Variants in SENP6 observed in about 807,000 individuals in gnomAD.
SENP6 encodes SUMO specific peptidase 6, also known as sentrin-specific protease 6.
A neutral mutation model predicts 134.5 loss-of-function variants in SENP6; 41 were observed. The ratio of observed to expected loss-of-function variants is 0.30; its 90% CI spans 0.24 to 0.40. The LOEUF (loss-of-function observed/expected upper bound fraction) is 0.40. Ranked by LOEUF, SENP6 falls within the 10% of genes least tolerant of loss-of-function variation. The probability of loss-of-function intolerance (pLI) is 1.00; values close to 1 mark genes in which losing one functional copy is unlikely to be tolerated. For synonymous variants in SENP6, 395 were observed against 429.8 expected, an observed-to-expected ratio of 0.92 and a Z score of 1.00; for missense variants, 1,248 against 1,312.5, an observed-to-expected ratio of 0.95 and a Z score of 0.76.
Position 75,666,719 on chromosome 6 carries a change from G to A in SENP6, c.1002G>A (p.Leu334=). The A allele has an allele frequency of 6.6e-7, 1 of 1,508,496 alleles. No individual in the cohort carries two copies. The allele number at this position is 1,508,496 out of a possible 1,614,324, so 93.4% of individuals were successfully genotyped here. ...TTATTAAAATACTTTTAGTCATTTT[G>A]TCCAGTGATGATGATGATGACAACG... ...SLSDLNDPII[L]SSDDDDDNDR... is the part of the protein sequence containing the mutation. The change falls in exon 10 of 24, where the codon TTG becomes TTA. Residue 334 remains leucine, a synonymous_variant. Coordinates refer to ENST00000447266, the MANE Select transcript of SENP6 (RefSeq NM_015571.4).
intron 1 of SENP6, among the ~76,000 whole-genome samples, chr6:75,616,170 T>C (rs1459076806): frequency 6.6e-6 from 1 of 152,120 alleles, no homozygotes; most frequent in Non-Finnish European, 1.5e-5. Context: ...CTGGGATCTC[T>C]CCTTAACCTT....
At chr6:75,625,112 C>CTT (rs34953351) in intron 3 of SENP6, among the ~76,000 whole-genome samples, 32,201 of 112,024 alleles carry the variant, frequency 0.29, 6,365 homozygotes, top group Non-Finnish European at 0.36. Flanking sequence ...TGTGTGTGTC[C>CTT]TTTTTTTTTT....
intron 9 of SENP6, among the ~76,000 whole-genome samples, chr6:75,666,236 GATATATAAAATATATATACGAT>G (rs1373807316): frequency 6.9e-5 from 8 of 115,544 alleles, no homozygotes; most frequent in South Asian, 2.8e-4. Context: ...TATAAAATAT[GATATATAAAATATATATACGAT>G]ATATATAAAA....
intron 1 of SENP6, among the ~76,000 whole-genome samples, chr6:75,608,568 AAAG>A (rs1187160215): frequency 2.6e-5 from 4 of 152,068 alleles, no homozygotes; most frequent in Admixed American, 6.6e-5. Context: ...AGGAAGGAGA[AAAG>A]AAAGTGATTT....
intron 1 of SENP6, among the ~76,000 whole-genome samples, chr6:75,615,855 A>G (rs936287894): frequency 2.0e-5 from 3 of 152,230 alleles, no homozygotes; most frequent in Non-Finnish European, 4.4e-5. Context: ...AAGATTTGTC[A>G]TAATGAATTC....
At chr6:75,652,802 A>G (rs957928878) in intron 7 of SENP6, among the ~76,000 whole-genome samples, 2 of 151,472 alleles carry the variant, frequency 1.3e-5, no homozygotes, top group Admixed American at 1.3e-4. Flanking sequence ...ACATTAGATT[A>G]TTATCATTCT....
At chr6:75,645,346 T>C (rs1267813055) in intron 6 of SENP6, among the ~76,000 whole-genome samples, 1 of 152,210 alleles carries the variant, frequency 6.6e-6, no homozygotes, top group African/African-American at 2.4e-5. Context: ...CCAGGTGTGG[T>C]GGTTTATGCC....
At chr6:75,619,371 T>C (rs1768091264) in intron 1 of SENP6, among the ~76,000 whole-genome samples, 1 of 152,152 alleles carries the variant, frequency 6.6e-6, no homozygotes, top group African/African-American at 2.4e-5. Context: ...AGTAACTGTT[T>C]TCAAGGTTCA....
At chr6:75,635,102 T>C (rs1769410820) in intron 5 of SENP6, 3 of 434,032 alleles carry the variant, frequency 6.9e-6, no homozygotes, top group South Asian at 6.0e-5. Flanking sequence ...TGAAAGTGTT[T>C]GACTGAGATA....
At chr6:75,611,386 TG>T (rs1767438721) in intron 1 of SENP6, 1 of 152,270 alleles carries the variant, frequency 6.6e-6, no homozygotes, top group African/African-American at 2.4e-5. Flanking sequence ...TTCACAAGTT[TG>T]GGTATCAGCT....
At chr6:75,694,928 G>A (rs1170229634) in intron 16 of SENP6, among the ~76,000 whole-genome samples, 1 of 152,086 alleles carries the variant, frequency 6.6e-6, no homozygotes, top group Non-Finnish European at 1.5e-5. Flanking sequence ...AGGCTGGAGT[G>A]TAGTGGTGTG....
intron 16 of SENP6, among the ~76,000 whole-genome samples, chr6:75,694,427 A>C (rs1490287491): frequency 6.6e-6 from 1 of 152,218 alleles, no homozygotes; most frequent in Non-Finnish European, 1.5e-5. Context: ...ACAATACATA[A>C]TGATAACAGC....
chr6:75,706,088 C>T (rs564850090), intron 19 of SENP6, among the ~76,000 whole-genome samples: 7 of 151,376 alleles, frequency 4.6e-5, no homozygotes, highest in South Asian at 2.1e-4. Context: ...ATTACGGGTG[C>T]GCACCACCTC....
Position 75,602,042 on chromosome 6 carries a change from G to A in SENP6, c.-483G>A, listed in dbSNP as rs1269536737. ...GCGGCGGCTGCAGAACGAGCTAGGG[G>A]CCTGGGGGCGCCTGACGGTCGCAGA... On this transcript the variant is annotated 5_prime_UTR_variant, in exon 1 of 24. Transcript: ENST00000447266. The A allele has an allele frequency of 1.3e-5, 2 of 156,832 alleles. No homozygotes were observed. The highest frequency in any genetic ancestry group is 2.4e-5 in the African/African-American group (1 of 41,524). 9.7% of individuals were successfully genotyped at this position (156,832 alleles called of 1,614,324 possible).
rs528670296 is a variant in SENP6 at position 75,705,997 on chromosome 6, C to T, written c.2716+2925C>T. Reference sequence around the variant, plus strand: ...AATCACCCAGGCTGGAGTGCAGTGGCGTAATCTTGTCTCACTGCAACCTCC... The same window carrying T: ...AATCACCCAGGCTGGAGTGCAGTGGTGTAATCTTGTCTCACTGCAACCTCC... On this transcript the variant is annotated intron_variant, in intron 19 of 23. Transcript: ENST00000447266. Among the ~76,000 whole-genome samples the T allele has an allele frequency of 1.0e-4, 12 of 116,548 alleles. No individual in the cohort carries two copies. In the East Asian group the frequency reaches 2.0e-3, roughly 20 times the overall value. 76.5% of individuals were successfully genotyped at this position (116,548 alleles called of 152,430 possible).
At chr6:75,638,038 T>G (rs13219899) in intron 5 of SENP6, among the ~76,000 whole-genome samples, 1 of 151,426 alleles carries the variant, frequency 6.6e-6, no homozygotes, top group Non-Finnish European at 1.5e-5. Context: ...GTGTGTGTGT[T>G]TTTAGTAGAG....
At chr6:75,715,343 A>AT (rs751785240) in intron 23 of SENP6, 42 bp from the exon 24 acceptor site, 10 of 1,373,056 alleles carry the variant, frequency 7.3e-6, no homozygotes. Context: ...ATGAAAGGTT[A>AT]TTTATTACAG....
chr6:75,629,367 T>C (rs528430613), intron 3 of SENP6, among the ~76,000 whole-genome samples: 1 of 152,218 alleles, frequency 6.6e-6, no homozygotes, highest in South Asian at 2.1e-4. Flanking sequence ...GGCGCAATCT[T>C]GGCTCACTGC....
chr6:75,609,580 A>G (rs931910286), intron 1 of SENP6, among the ~76,000 whole-genome samples: 4 of 152,140 alleles, frequency 2.6e-5, no homozygotes, highest in Admixed American at 2.0e-4. Flanking sequence ...TTTTTTCCCC[A>G]TTCTTTCAAC....
Sources: allele counts gnomAD v4.1 joint callset (sites outside exome capture counted in the v4.1 genomes callset), GRCh38; gene constraint gnomAD v4.1.1; transcripts MANE v1.5; gene names NCBI Gene and HGNC (gene_info 2026-07-23, HGNC 2026-07-21).